The following SGCG variants were observed in gnomAD, a reference collection of about 807,000 sequenced individuals.
SGCG encodes the protein sarcoglycan gamma.
SGCG carries 26 observed loss-of-function variants against 29.3 expected under a neutral mutation model. That is an observed-to-expected ratio of 0.89 (90% CI 0.65 to 1.23). The LOEUF (loss-of-function observed/expected upper bound fraction) is 1.23, where lower values mean the gene tolerates loss of function less well. SGCG is among the 50% of genes most tolerant of loss of function. SGCG has a pLI of 0.00. For missense variants in SGCG, 353 were observed against 356.0 expected (o/e 0.99, Z 0.07); for synonymous variants, 145 against 129.7 (o/e 1.12, Z -0.80).
chr13:23,252,557 G>C (rs911895463), intron 4 of SGCG, among the ~76,000 whole-genome samples: 3 of 152,100 alleles, frequency 2.0e-5, no homozygotes, highest in Admixed American at 2.0e-4. Context: ...CGGGCGTGGT[G>C]GCGGTCGCCT....
intron 1 of SGCG, among the ~76,000 whole-genome samples, chr13:23,196,148 A>G (rs1283858017): frequency 6.6e-6 from 1 of 152,128 alleles, no homozygotes; most frequent in Non-Finnish European, 1.5e-5. Flanking sequence ...CACATACCCA[A>G]AATACTAATT....
At chr13:23,290,095 AGATGATATTTGTTTTGGTT>A (rs1881641764) in intron 5 of SGCG, among the ~76,000 whole-genome samples, 1 of 152,200 alleles carries the variant, frequency 6.6e-6, no homozygotes, top group Non-Finnish European at 1.5e-5. Context: ...GGAGACTCAA[AGATGATATTTGTTTTGGTT>A]GATGGCATTA....
intron 2 of SGCG, among the ~76,000 whole-genome samples, chr13:23,204,503 TA>T (rs879264620): frequency 9.9e-5 from 15 of 152,200 alleles, no homozygotes; most frequent in Admixed American, 5.2e-4. Flanking sequence ...TGCAGTGAGA[TA>T]AAAATATTGC....
At chr13:23,177,036 C>T (rs571722689), upstream of SGCG, among the ~76,000 whole-genome samples, 27 of 152,234 alleles carry the variant, frequency 1.8e-4, no homozygotes, top group East Asian at 3.9e-4. Flanking sequence ...TAATACTGTT[C>T]GGCCTTTTAA....
At chr13:23,312,115 C>T (rs1882623352) in intron 6 of SGCG, among the ~76,000 whole-genome samples, 1 of 152,164 alleles carries the variant, frequency 6.6e-6, no homozygotes, top group East Asian at 1.9e-4. Flanking sequence ...AATCCAGGTG[C>T]CTGCAAATGA....
chr13:23,263,153 G>A (rs1338611679), intron 4 of SGCG, among the ~76,000 whole-genome samples: 1 of 116,140 alleles, frequency 8.6e-6, no homozygotes, highest in Non-Finnish European at 1.8e-5. Flanking sequence ...ACAAAGATCA[G>A]AGCAGAAACA....
intron 7 of SGCG, among the ~76,000 whole-genome samples, chr13:23,322,381 C>A (rs560147938): frequency 5.1e-4 from 78 of 152,288 alleles, no homozygotes; most frequent in African/African-American, 1.8e-3. Flanking sequence ...AAAAAGCATG[C>A]AGGTTATACA....
intron 3 of SGCG, among the ~76,000 whole-genome samples, chr13:23,247,361 C>T (rs1411505537): frequency 2.0e-5 from 3 of 152,172 alleles, no homozygotes; most frequent in Non-Finnish European, 4.4e-5. Flanking sequence ...ACTTCTGCTT[C>T]TGGCTGGTAG....
the SGCG span, among the ~76,000 whole-genome samples, chr13:23,161,314 G>T: frequency 2.6e-5 from 4 of 152,144 alleles, no homozygotes; most frequent in African/African-American, 9.7e-5. Flanking sequence ...CATCATTACC[G>T]AGTATTCTGA....
At chr13:23,206,378 C>T (rs575715471) in intron 2 of SGCG, among the ~76,000 whole-genome samples, 51 of 152,236 alleles carry the variant, frequency 3.4e-4, no homozygotes, top group South Asian at 4.2e-4. Context: ...ATGAGTTTGC[C>T]TACTGTAGAT....
intron 4 of SGCG, among the ~76,000 whole-genome samples, chr13:23,271,530 C>T (rs1393904118): frequency 1.3e-5 from 2 of 152,236 alleles, no homozygotes; most frequent in African/African-American, 4.8e-5. Context: ...GTTGGACAAG[C>T]TTGCACTAGT....
chr13:23,279,953 C>T (rs1220463057), intron 5 of SGCG, among the ~76,000 whole-genome samples: 1 of 152,082 alleles, frequency 6.6e-6, no homozygotes, highest in Admixed American at 6.5e-5. Context: ...GTCTCAAACT[C>T]CTGACCTCAA....
chr13:23,182,260 T>C (rs999331703), intron 1 of SGCG, among the ~76,000 whole-genome samples: 1 of 152,200 alleles, frequency 6.6e-6, no homozygotes, highest in Non-Finnish European at 1.5e-5. Flanking sequence ...GTGTTCAGTT[T>C]TGCATAACTT....
intron 2 of SGCG, among the ~76,000 whole-genome samples, chr13:23,218,183 A>T (rs546219436): frequency 3.9e-4 from 59 of 152,314 alleles, no homozygotes; most frequent in African/African-American, 1.4e-3. Context: ...ATTGAAACAA[A>T]TAAAAAGTTT....
chr13:23,197,322 C>T (rs1230865931), intron 1 of SGCG, among the ~76,000 whole-genome samples: 3 of 152,272 alleles, frequency 2.0e-5, no homozygotes, highest in East Asian at 1.9e-4. Flanking sequence ...TTTGGAGGGA[C>T]GATGCACCAT....
chr13:23,270,293 T>G (rs1880821545), intron 4 of SGCG, among the ~76,000 whole-genome samples: 1 of 152,238 alleles, frequency 6.6e-6, no homozygotes, highest in East Asian at 1.9e-4. Context: ...GGTAACAATT[T>G]AGATTCCCAG....
chr13:23,278,080 C>A (rs939512060), intron 4 of SGCG, among the ~76,000 whole-genome samples: 1 of 152,050 alleles, frequency 6.6e-6, no homozygotes, highest in African/African-American at 2.4e-5. Flanking sequence ...GTGATTGGCT[C>A]GCCTTGGCCT....
chr13:23,236,407 G>T (rs1879312988), intron 3 of SGCG, among the ~76,000 whole-genome samples: 1 of 152,172 alleles, frequency 6.6e-6, no homozygotes, highest in Non-Finnish European at 1.5e-5. Flanking sequence ...GCCAGGCGTG[G>T]TGGCTCACGC....
At chr13:23,282,053 A>G (rs1175459363) in intron 5 of SGCG, among the ~76,000 whole-genome samples, 1 of 152,192 alleles carries the variant, frequency 6.6e-6, no homozygotes, top group Non-Finnish European at 1.5e-5. Flanking sequence ...CCCCACCTCT[A>G]ATGACTATAT....
Sources: gnomAD v4.1 joint callset for allele counts (sites outside exome capture counted in the v4.1 genomes callset) on GRCh38, gnomAD v4.1.1 for gene constraint, MANE v1.5 for transcripts, NCBI Gene and HGNC (gene_info 2026-07-23, HGNC 2026-07-21) for gene names.